GRIN2A: variants seen among roughly 807,000 people sequenced by gnomAD.
GRIN2A encodes glutamate ionotropic receptor NMDA type subunit 2A.
A neutral mutation model predicts 113.4 loss-of-function variants in GRIN2A; 22 were observed. The ratio of observed to expected loss-of-function variants is 0.19; its 90% CI spans 0.14 to 0.28. The LOEUF (loss-of-function observed/expected upper bound fraction) is 0.28. Among genes scored for constraint, GRIN2A ranks in the 10% least tolerant of loss-of-function variants. The probability of loss-of-function intolerance (pLI) is 1.00; values close to 1 mark genes in which losing one functional copy is unlikely to be tolerated. For synonymous variants in GRIN2A, 827 were observed against 738.4 expected (o/e 1.12, Z -1.94); for missense variants, 1,502 against 1,887.0 (o/e 0.80, Z 3.78).
intron 2 of GRIN2A, among the ~76,000 whole-genome samples, chr16:10,030,653 C>T (rs957000602): frequency 1.3e-5 from 2 of 152,180 alleles, no homozygotes; most frequent in African/African-American, 4.8e-5. Context: ...GTGTTTTTTA[C>T]ATTGATGAGT....
At chr16:10,169,728 A>G (rs2050001550) in intron 2 of GRIN2A, among the ~76,000 whole-genome samples, 3 of 152,192 alleles carry the variant, frequency 2.0e-5, no homozygotes, top group Admixed American at 2.0e-4. Flanking sequence ...AATGTCTTTA[A>G]TGGTTTAAGA....
chr16:10,083,743 A>C (rs2048030851), intron 2 of GRIN2A, among the ~76,000 whole-genome samples: 1 of 152,214 alleles, frequency 6.6e-6, no homozygotes, highest in Non-Finnish European at 1.5e-5. Context: ...CTTTCTATGA[A>C]GAGTCCTTAG....
rs186605035 is a variant in GRIN2A at position 9,816,593 on chromosome 16, C to T, written c.2168+5671G>A. 3.3e-4 allele frequency among the ~76,000 whole-genome samples: 51 copies of T among 152,292 alleles called. No individual in the cohort carries two copies. In the Middle Eastern group the frequency reaches 0.01, roughly 30 times the overall value. On this transcript the variant is annotated intron_variant, in intron 10 of 12. Coordinates refer to ENST00000330684, the MANE Select transcript of GRIN2A (RefSeq NM_001134407.3). ...TAATTTAAATCTGGCATATGTGCGA[C>T]GCTTGCAGTTTTGCCCCCATGCCAA...
In GRIN2A at chr16:10,041,956, T is replaced by A. The variant is rs531237104; in HGVS notation, c.415-103405A>T. Among the ~76,000 whole-genome samples, 9 of 152,304 alleles carry A rather than the reference T, an allele frequency of 5.9e-5. No homozygotes were observed. The South Asian group carries it at 1.9e-3, about 32-fold the overall frequency. ...ATCGCAATATAGTCCCGGTGCATCTTACACTCCCTTTACACCATAATTAGC... is the reference window on the plus strand; with the variant it reads ...ATCGCAATATAGTCCCGGTGCATCTAACACTCCCTTTACACCATAATTAGC... On this transcript the variant is annotated intron_variant, in intron 2 of 12. Coordinates refer to ENST00000330684, the MANE Select transcript of GRIN2A (RefSeq NM_001134407.3).
Position 9,938,048 on chromosome 16 carries a change from C to T in GRIN2A, c.918G>A (p.Met306Ile), listed in dbSNP as rs2044757017. Residue 306 changes from methionine (M) to isoleucine (I), a missense_variant, in exon 3 of 13, where the codon ATG (methionine) becomes ATA (isoleucine). Met to Ile is a conservative substitution (Grantham distance 10, BLOSUM62 1). Transcript: ENST00000330684. ...IGILTTAASS[M>I]LEKFSYIPEA... ...CGGGGATGTAGGAGAACTTCTCCAG[C>T]ATAGAAGATGCAGCGGTGGTTAGGA... is the stretch of plus-strand genomic sequence containing the variant. 2 of 1,614,094 alleles carry T rather than the reference C, an allele frequency of 1.2e-6. No homozygotes were observed. Among genetic ancestry groups the T allele is most frequent in the Non-Finnish European group, 1.7e-6 (2 of 1,179,998 alleles).
intron 2 of GRIN2A, among the ~76,000 whole-genome samples, chr16:9,955,057 G>C (rs1224871125): frequency 6.6e-6 from 1 of 152,108 alleles, no homozygotes; most frequent in Non-Finnish European, 1.5e-5. Context: ...CATCCCCATG[G>C]GCAGTCAATA....
intron 2 of GRIN2A, among the ~76,000 whole-genome samples, chr16:10,129,051 CT>C (rs574193107): frequency 6.6e-4 from 98 of 148,798 alleles, no homozygotes; most frequent in East Asian, 2.4e-3. Context: ...ATGTGCATCA[CT>C]TTTTTTTTTA....
intron 2 of GRIN2A, among the ~76,000 whole-genome samples, chr16:10,124,733 G>A (rs942352225): frequency 2.0e-5 from 3 of 152,192 alleles, no homozygotes; most frequent in South Asian, 2.1e-4. Context: ...GTACAAGACA[G>A]AGCAGAGGCC....
chr16:9,976,093 T>C (rs1437110783), intron 2 of GRIN2A, among the ~76,000 whole-genome samples: 1 of 152,264 alleles, frequency 6.6e-6, no homozygotes, highest in East Asian at 1.9e-4. Flanking sequence ...TTATTTATTA[T>C]TAGTCTATAA....
chr16:9,970,761 T>A (rs971340628), intron 2 of GRIN2A: 1 of 966,528 alleles, frequency 1.0e-6, no homozygotes, highest in African/African-American at 1.8e-5. Context: ...AATTACAGGC[T>A]GGTAAACTCT....
intron 12 of GRIN2A, among the ~76,000 whole-genome samples, chr16:9,765,775 A>T (rs1900881606): frequency 6.6e-6 from 1 of 152,214 alleles, no homozygotes; most frequent in African/African-American, 2.4e-5. Context: ...TATTCAATGT[A>T]GTTAGAACTG....
intron 2 of GRIN2A, among the ~76,000 whole-genome samples, chr16:10,152,082 C>A (rs372813752): frequency 2.2e-4 from 34 of 152,324 alleles, no homozygotes; most frequent in East Asian, 9.6e-4. Flanking sequence ...CTGCCCCTGG[C>A]AGCAGCCACC....
chr16:9,952,883 C>T (rs2045216227), intron 2 of GRIN2A, among the ~76,000 whole-genome samples: 1 of 151,866 alleles, frequency 6.6e-6, no homozygotes, highest in Non-Finnish European at 1.5e-5. Flanking sequence ...GAAGAAAGAG[C>T]ATGGAAAGGA....
At chr16:10,127,663 C>T (rs1431814596) in intron 2 of GRIN2A, among the ~76,000 whole-genome samples, 1 of 152,200 alleles carries the variant, frequency 6.6e-6, no homozygotes, top group Non-Finnish European at 1.5e-5. Flanking sequence ...GCAACTAGCA[C>T]AGAGCCTGGC....
chr16:10,130,850 G>A (rs1183031591), intron 2 of GRIN2A, among the ~76,000 whole-genome samples: 3 of 152,198 alleles, frequency 2.0e-5, no homozygotes, highest in Non-Finnish European at 4.4e-5. Flanking sequence ...AATGGATTGT[G>A]CTAACATATA....
At chr16:9,987,930 T>G (rs2046010707) in intron 2 of GRIN2A, among the ~76,000 whole-genome samples, 1 of 152,186 alleles carries the variant, frequency 6.6e-6, no homozygotes, top group Non-Finnish European at 1.5e-5. Context: ...CCAAAGACTG[T>G]ACAGCTAATA....
At chr16:10,025,464 A>G (rs2937032) in intron 2 of GRIN2A, among the ~76,000 whole-genome samples, 119,889 of 151,824 alleles carry the variant, frequency 0.79, 48,028 homozygotes, top group Non-Finnish European at 0.85. Context: ...ACCACATCTG[A>G]CTATTTTTTC....
chr16:10,131,253 T>C (rs573438044), intron 2 of GRIN2A, among the ~76,000 whole-genome samples: 34 of 152,154 alleles, frequency 2.2e-4, no homozygotes, highest in South Asian at 4.2e-4. Flanking sequence ...CAGAACAGCA[T>C]GTAGAGTGGG....
chr16:9,880,162 A>G (rs1056283839), intron 4 of GRIN2A, among the ~76,000 whole-genome samples: 4 of 152,078 alleles, frequency 2.6e-5, no homozygotes, highest in Non-Finnish European at 4.4e-5. Context: ...AGGATCTTGG[A>G]AGAATCCACT....
Sources: gnomAD v4.1 joint callset for allele counts (sites outside exome capture counted in the v4.1 genomes callset) on GRCh38, gnomAD v4.1.1 for gene constraint, MANE v1.5 for transcripts, NCBI Gene and HGNC (gene_info 2026-07-23, HGNC 2026-07-21) for gene names.